XYLB: variants seen among roughly 807,000 people sequenced by gnomAD.
The protein encoded by XYLB is xylulokinase, also known as xylulose kinase.
A neutral mutation model predicts 78.7 loss-of-function variants in XYLB; 62 were observed. The observed-to-expected ratio is 0.79, with a 90% CI of 0.64 to 0.97. XYLB has a LOEUF of 0.97. Among genes scored for constraint, XYLB ranks in the 50% least tolerant of loss-of-function variants. The probability of loss-of-function intolerance (pLI) is 0.00; values close to 1 mark genes in which losing one functional copy is unlikely to be tolerated. For synonymous variants in XYLB, 245 were observed against 247.4 expected, an observed-to-expected ratio of 0.99 and a Z score of 0.09; for missense variants, 687 against 676.8, an observed-to-expected ratio of 1.02 and a Z score of -0.17.
chr3:38,451,420 C>G, the XYLB span: 1 of 152,094 alleles, frequency 6.6e-6, no homozygotes, highest in Admixed American at 6.6e-5. Context: ...GTTGGGAGTT[C>G]AAGACCAGCC....
At chr3:38,449,141 G>T in the XYLB span, among the ~76,000 whole-genome samples, 1 of 151,736 alleles carries the variant, frequency 6.6e-6, no homozygotes, top group South Asian at 2.1e-4. Flanking sequence ...TATTTTGTGA[G>T]ACATTCAAGT....
At chr3:38,445,233 T>G in the XYLB span, among the ~76,000 whole-genome samples, 1 of 152,140 alleles carries the variant, frequency 6.6e-6, no homozygotes, top group Admixed American at 6.5e-5. Context: ...AAGGATATAA[T>G]TTCTGAAGCT....
chr3:38,427,594 C>G, the XYLB span, among the ~76,000 whole-genome samples: 1 of 151,708 alleles, frequency 6.6e-6, no homozygotes, highest in East Asian at 1.9e-4. Context: ...CCTAGCTTTT[C>G]TTTTCTTTTC....
At chr3:38,404,850 A>T (rs1233904260) in intron 18 of XYLB, among the ~76,000 whole-genome samples, 1 of 152,088 alleles carries the variant, frequency 6.6e-6, no homozygotes, top group Non-Finnish European at 1.5e-5. Context: ...ACAAAACTTA[A>T]CTTTGGAGCA....
At chr3:38,431,965 A>G in the XYLB span, among the ~76,000 whole-genome samples, 1 of 152,166 alleles carries the variant, frequency 6.6e-6, no homozygotes, top group Non-Finnish European at 1.5e-5. Context: ...GAAAAAAAAG[A>G]TAGTTACTTC....
chr3:38,445,826 C>T, the XYLB span, among the ~76,000 whole-genome samples: 1 of 152,182 alleles, frequency 6.6e-6, no homozygotes, highest in African/African-American at 2.4e-5. Flanking sequence ...TGACAGGTGC[C>T]TGGTGTTTAG....
chr3:38,350,058 T>G (rs2125545308), intron 2 of XYLB, among the ~76,000 whole-genome samples: 1 of 152,332 alleles, frequency 6.6e-6, no homozygotes, highest in African/African-American at 2.4e-5. Flanking sequence ...TCCGTAACAC[T>G]GTGGACTTGC....
downstream of XYLB, among the ~76,000 whole-genome samples, chr3:38,419,578 T>TTATATATATATATATATATATATATATA (rs67869604): frequency 1.1e-3 from 78 of 68,216 alleles, no homozygotes; most frequent in African/African-American, 2.2e-3. Context: ...TTATTTTTCT[T>TTATATATATATATATATATATATATATA]TATATATATA....
chr3:38,445,214 A>G, the XYLB span, among the ~76,000 whole-genome samples: 3 of 152,084 alleles, frequency 2.0e-5, no homozygotes, highest in Non-Finnish European at 2.9e-5. Flanking sequence ...TTCTCATCAT[A>G]TGGATAGGAA....
chr3:38,383,367 A>G (rs1707238938), intron 15 of XYLB, among the ~76,000 whole-genome samples: 1 of 152,238 alleles, frequency 6.6e-6, no homozygotes, highest in South Asian at 2.1e-4. Context: ...AGACACCATC[A>G]GACATGATAG....
At chr3:38,418,825 T>A (rs192340294), downstream of XYLB, among the ~76,000 whole-genome samples, 70 of 152,356 alleles carry the variant, frequency 4.6e-4, no homozygotes, top group East Asian at 0.013. Context: ...ATAAAATGTA[T>A]GACATTTATC....
chr3:38,450,083 C>T, the XYLB span, among the ~76,000 whole-genome samples: 1 of 152,220 alleles, frequency 6.6e-6, no homozygotes, highest in Non-Finnish European at 1.5e-5. Flanking sequence ...AAAGTATACA[C>T]TGCCCACCCC....
intron 7 of XYLB, among the ~76,000 whole-genome samples, chr3:38,367,112 G>A (rs1706306204): frequency 6.6e-6 from 1 of 152,194 alleles, no homozygotes; most frequent in South Asian, 2.1e-4. Flanking sequence ...TGAGGGTCCA[G>A]GTGGGAGCAC....
the XYLB span, among the ~76,000 whole-genome samples, chr3:38,440,986 C>CCT: frequency 6.6e-6 from 1 of 151,188 alleles, no homozygotes; most frequent in Non-Finnish European, 1.5e-5. Flanking sequence ...CGTCTTTCCC[C>CCT]CTCTCTCTCT....
chr3:38,406,498 C>T (rs373554599), intron 18 of XYLB, among the ~76,000 whole-genome samples: 32 of 152,320 alleles, frequency 2.1e-4, no homozygotes, highest in African/African-American at 7.0e-4. Flanking sequence ...TCCAAAGGAA[C>T]GCAGTTCCTC....
rs376374720 is a variant in XYLB at position 38,399,760 on chromosome 3, A to G, written c.1439-1131A>G. 5.3e-5 allele frequency among the ~76,000 whole-genome samples: 8 copies of G among 152,270 alleles called. No homozygotes were observed. The East Asian group carries it at 9.7e-4, about 18-fold the overall frequency. On this transcript the variant is annotated intron_variant, in intron 17 of 18. Coordinates refer to ENST00000207870, the MANE Select transcript of XYLB (RefSeq NM_005108.4). The stretch of plus-strand genomic sequence containing the variant: ...GTGCTTGCCAAAGGGTACCTGGGCC[A>G]CTGCCCTGCTCTGCCCTCCAAAACC...
At chr3:38,427,285 C>T in the XYLB span, among the ~76,000 whole-genome samples, 3 of 152,238 alleles carry the variant, frequency 2.0e-5, no homozygotes, top group Admixed American at 2.0e-4. Flanking sequence ...TCTTGAACTC[C>T]TGCAATCCTC....
exon 18 of XYLB, among the ~76,000 whole-genome samples, chr3:38,420,365 C>T (rs1229055452): frequency 6.6e-6 from 1 of 152,160 alleles, no homozygotes; most frequent in Non-Finnish European, 1.5e-5. Flanking sequence ...ATAATCCTTG[C>T]CTTGTTCCTG....
the XYLB span, among the ~76,000 whole-genome samples, chr3:38,435,594 C>A: frequency 7.4e-4 from 113 of 152,234 alleles, 2 homozygotes; most frequent in South Asian, 0.023. Context: ...ACCAAATGAA[C>A]CTTACAGTGA....
Sources: gnomAD v4.1 joint callset for allele counts (sites outside exome capture counted in the v4.1 genomes callset) on GRCh38, gnomAD v4.1.1 for gene constraint, MANE v1.5 for transcripts, NCBI Gene and HGNC (gene_info 2026-07-23, HGNC 2026-07-21) for gene names.